LIN52: variants seen among roughly 807,000 people sequenced by gnomAD.
The protein encoded by LIN52 is protein lin-52 homolog.
LIN52 carries 4 observed loss-of-function variants against 18.5 expected under a neutral mutation model. The ratio of observed to expected loss-of-function variants is 0.22; its 90% CI spans 0.11 to 0.49. The LOEUF (loss-of-function observed/expected upper bound fraction) is 0.49. Among genes scored for constraint, LIN52 ranks in the 20% least tolerant of loss-of-function variants. The probability of loss-of-function intolerance (pLI) is 0.97; values close to 1 mark genes in which losing one functional copy is unlikely to be tolerated. For missense variants in LIN52, 102 were observed against 139.5 expected, an observed-to-expected ratio of 0.73 and a Z score of 1.35; for synonymous variants, 34 against 45.5, an observed-to-expected ratio of 0.75 and a Z score of 1.02.
intron 5 of LIN52, among the ~76,000 whole-genome samples, chr14:74,153,822 G>A (rs2061187055): frequency 1.3e-5 from 2 of 152,150 alleles, no homozygotes; most frequent in Non-Finnish European, 2.9e-5. Flanking sequence ...GGGATTACAG[G>A]CGTGAGCCAC....
At chr14:74,148,124 G>A (rs146780143) in intron 5 of LIN52, among the ~76,000 whole-genome samples, 27 of 151,948 alleles carry the variant, frequency 1.8e-4, no homozygotes, top group African/African-American at 6.5e-4. Flanking sequence ...CTAATCAAAG[G>A]CCTTTTTTTA....
intron 5 of LIN52, among the ~76,000 whole-genome samples, chr14:74,181,098 ACT>A (rs1281955824): frequency 8.0e-6 from 1 of 125,452 alleles, no homozygotes; most frequent in Non-Finnish European, 1.7e-5. Flanking sequence ...ATGGAGCAAG[ACT>A]CTGTCTCAAA....
chr14:74,164,974 T>G (rs2061242169), intron 5 of LIN52, among the ~76,000 whole-genome samples: 1 of 152,176 alleles, frequency 6.6e-6, no homozygotes, highest in African/African-American at 2.4e-5. Context: ...ATCGCATGAT[T>G]TACCACGTTT....
intron 5 of LIN52, among the ~76,000 whole-genome samples, chr14:74,101,870 T>G (rs903362117): frequency 6.6e-6 from 1 of 152,162 alleles, no homozygotes; most frequent in Admixed American, 6.5e-5. Context: ...ACTCCTGGGC[T>G]CAAGTGATCC....
At chr14:74,101,047 G>T in intron 4 of LIN52, 108 bp from the exon 5 acceptor site, 3 of 802,862 alleles carry the variant, frequency 3.7e-6, no homozygotes, top group Non-Finnish European at 4.1e-6. Flanking sequence ...TACTTATTCA[G>T]TGGTAATTAA....
intron 5 of LIN52, among the ~76,000 whole-genome samples, chr14:74,154,040 C>T (rs1595177182): frequency 1.3e-5 from 2 of 151,908 alleles, no homozygotes; most frequent in South Asian, 2.1e-4. Flanking sequence ...CCCCTGTTGT[C>T]GTTAGTGTGG....
At chr14:74,147,065 C>T (rs976488872) in intron 5 of LIN52, among the ~76,000 whole-genome samples, 7 of 152,044 alleles carry the variant, frequency 4.6e-5, no homozygotes, top group Admixed American at 1.3e-4. Flanking sequence ...TTGAGACCAG[C>T]CTGACCAACA....
intron 5 of LIN52, among the ~76,000 whole-genome samples, chr14:74,124,356 A>G (rs1311252872): frequency 6.6e-6 from 1 of 152,228 alleles, no homozygotes; most frequent in Non-Finnish European, 1.5e-5. Context: ...GAATATGAAT[A>G]AATACTGTAA....
chr14:74,125,250 A>G (rs890320151), intron 5 of LIN52, among the ~76,000 whole-genome samples: 6 of 152,196 alleles, frequency 3.9e-5, no homozygotes, highest in East Asian at 1.9e-4. Flanking sequence ...AAGTGTTCCT[A>G]TTTCTCCACA....
intron 1 of LIN52, among the ~76,000 whole-genome samples, chr14:74,090,399 A>G (rs6574160): frequency 0.23 from 34,151 of 151,446 alleles, 4,167 homozygotes; most frequent in South Asian, 0.46. Flanking sequence ...ACAGTGGTGC[A>G]ATCTTGGCTC....
intron 5 of LIN52, among the ~76,000 whole-genome samples, chr14:74,125,873 C>G (rs1172108428): frequency 8.0e-6 from 1 of 124,224 alleles, no homozygotes; most frequent in Non-Finnish European, 1.6e-5. Flanking sequence ...GAACATCACA[C>G]ACCGGGGCCT....
At chr14:74,137,146 TTA>T (rs1471643391) in intron 5 of LIN52, among the ~76,000 whole-genome samples, 6 of 139,914 alleles carry the variant, frequency 4.3e-5, no homozygotes, top group Non-Finnish European at 9.3e-5. Context: ...TGTGTATATT[TTA>T]TATATGAATA....
intron 5 of LIN52, among the ~76,000 whole-genome samples, chr14:74,181,118 A>G (rs2061316686): frequency 6.6e-6 from 1 of 151,036 alleles, no homozygotes; most frequent in Non-Finnish European, 1.5e-5. Flanking sequence ...AAAAAAAAAA[A>G]AAAAAAAAAA....
intron 5 of LIN52, among the ~76,000 whole-genome samples, chr14:74,194,999 A>T (rs1422321000): frequency 6.6e-6 from 1 of 152,188 alleles, no homozygotes; most frequent in East Asian, 1.9e-4. Flanking sequence ...ACAAAGAATT[A>T]GCCAAGTGTG....
intron 5 of LIN52, among the ~76,000 whole-genome samples, chr14:74,192,418 TG>T (rs2078883501): frequency 6.6e-6 from 1 of 152,192 alleles, no homozygotes; most frequent in African/African-American, 2.4e-5. Context: ...CCCGAGTAGC[TG>T]GGACTACAGG....
chr14:74,118,234 C>T (rs193280657), intron 5 of LIN52, among the ~76,000 whole-genome samples: 101 of 151,992 alleles, frequency 6.6e-4, no homozygotes, highest in African/African-American at 2.4e-3. Context: ...GCGTTCCAGT[C>T]TGGATGACAG....
intron 1 of LIN52, among the ~76,000 whole-genome samples, chr14:74,087,013 T>C (rs2060737232): frequency 6.6e-6 from 1 of 152,228 alleles, no homozygotes; most frequent in East Asian, 1.9e-4. Flanking sequence ...TATTTTTAAA[T>C]TGTTTTTACA....
At position 74,154,205 on chromosome 14, in the gene LIN52, A is replaced by G. The variant is rs539226111; in HGVS notation, c.284-44717A>G. On this transcript the variant is annotated intron_variant, in intron 5 of 5. Transcript: ENST00000555028. ...CTCCTTAGGCTTATGTTGGCATGACAGTTTCTCAGACTTTCCTTGTTTTTT... is the reference window on the plus strand; with the variant it reads ...CTCCTTAGGCTTATGTTGGCATGACGGTTTCTCAGACTTTCCTTGTTTTTT... Among the ~76,000 whole-genome samples the G allele has an allele frequency of 8.6e-5, 13 of 152,036 alleles. No individual in the cohort carries two copies. In the South Asian group the frequency reaches 2.1e-3, roughly 24 times the overall value.
chr14:74,152,364 T>C (rs1249487947), intron 5 of LIN52, among the ~76,000 whole-genome samples: 2 of 152,198 alleles, frequency 1.3e-5, no homozygotes, highest in African/African-American at 4.8e-5. Context: ...CCTCCTGTTC[T>C]GCCTATAGTC....
Sources: gnomAD v4.1 joint callset for allele counts (sites outside exome capture counted in the v4.1 genomes callset) on GRCh38, gnomAD v4.1.1 for gene constraint, MANE v1.5 for transcripts, NCBI Gene and HGNC (gene_info 2026-07-23, HGNC 2026-07-21) for gene names.